Variants in ROR2 observed in about 807,000 individuals in gnomAD.
ROR2 encodes ROR family WNT receptor 2, also known as tyrosine-protein kinase transmembrane receptor ROR2.
A neutral mutation model predicts 74.9 loss-of-function variants in ROR2; 33 were observed. The observed-to-expected ratio is 0.44, with a 90% confidence interval of 0.33 to 0.59. The LOEUF is 0.59. Among genes scored for constraint, ROR2 ranks in the 20% least tolerant of loss-of-function variants. The probability of loss-of-function intolerance (pLI) is 0.02; values close to 1 mark genes in which losing one functional copy is unlikely to be tolerated. For synonymous variants in ROR2, 586 were observed against 558.7 expected (o/e 1.05, Z -0.69); for missense variants, 1,216 against 1,313.8 (o/e 0.93, Z 1.15).
intron 4 of ROR2, among the ~76,000 whole-genome samples, chr9:91,740,748 T>A (rs776284401): frequency 6.6e-6 from 1 of 152,030 alleles, no homozygotes; most frequent in African/African-American, 2.4e-5. Context: ...GGAACAGAGC[T>A]GGAGAGAGTC....
At chr9:91,731,193 A>C in intron 6 of ROR2, 38 bp from the exon 7 acceptor site, 1 of 1,613,284 alleles carries the variant, frequency 6.2e-7, no homozygotes, top group Non-Finnish European at 8.5e-7. Flanking sequence ...CCTCCGGGGT[A>C]CAACAAAACC....
intron 1 of ROR2, among the ~76,000 whole-genome samples, chr9:91,912,431 CCTTGA>C (rs1274192445): frequency 1.3e-5 from 2 of 152,150 alleles, no homozygotes; most frequent in Non-Finnish European, 2.9e-5. Flanking sequence ...ATTGCAATTA[CCTTGA>C]CTTGATCATC....
chr9:91,790,454 G>A (rs911485997), intron 1 of ROR2, among the ~76,000 whole-genome samples: 8 of 151,490 alleles, frequency 5.3e-5, no homozygotes, highest in Middle Eastern at 6.8e-3. Context: ...AGACTGCAGT[G>A]AGCCAAGATC....
chr9:91,939,864 C>T (rs989978145), intron 1 of ROR2, among the ~76,000 whole-genome samples: 3 of 152,266 alleles, frequency 2.0e-5, no homozygotes, highest in East Asian at 3.9e-4. Flanking sequence ...AACAAGAGCA[C>T]CCACCAAAAG....
chr9:91,894,358 T>C (rs1305350073), intron 1 of ROR2, among the ~76,000 whole-genome samples: 1 of 152,162 alleles, frequency 6.6e-6, no homozygotes, highest in Non-Finnish European at 1.5e-5. Context: ...GCTAACTGAT[T>C]AACACGGATT....
rs555147927 is a variant in ROR2 at position 91,792,458 on chromosome 9, G to A, written c.98-16640C>T. ...TGAGTAGCTGGGACTACAGGCGCCCGCCACCACGCCCAGCTAATTTTTTGT... is the reference window on the plus strand; with the variant it reads ...TGAGTAGCTGGGACTACAGGCGCCCACCACCACGCCCAGCTAATTTTTTGT... On this transcript the variant is annotated intron_variant, in intron 1 of 8. Coordinates refer to ENST00000375708, the MANE Select transcript of ROR2 (RefSeq NM_004560.4). Among the ~76,000 whole-genome samples, 314 of 152,142 alleles carry A rather than the reference G, an allele frequency of 2.1e-3. 1 individual carries two copies. The highest frequency in any genetic ancestry group is 3.6e-3 in the Non-Finnish European group (247 of 67,998).
chr9:91,912,722 A>G (rs1587842082), intron 1 of ROR2, among the ~76,000 whole-genome samples: 1 of 145,918 alleles, frequency 6.9e-6, no homozygotes, highest in African/African-American at 2.8e-5. Flanking sequence ...TATTCCTTAA[A>G]TAATTTTTAA....
intron 2 of ROR2, 133 bp downstream of exon 2, chr9:91,775,608 C>G: frequency 3.8e-6 from 3 of 799,772 alleles, no homozygotes; most frequent in South Asian, 2.9e-5. Context: ...TGGCATTCCA[C>G]CATACCCACC....
chr9:91,735,906 G>A (rs987795202), intron 5 of ROR2, among the ~76,000 whole-genome samples: 3 of 152,016 alleles, frequency 2.0e-5, no homozygotes, highest in South Asian at 2.1e-4. Context: ...GTGAGCCACC[G>A]TGCCCGGCCA....
intron 1 of ROR2, among the ~76,000 whole-genome samples, chr9:91,887,774 AAC>A (rs1830323595): frequency 6.8e-6 from 1 of 147,336 alleles, no homozygotes; most frequent in South Asian, 2.1e-4. Flanking sequence ...TTCTCTCCAT[AAC>A]ACTTTTTTTC....
intron 1 of ROR2, among the ~76,000 whole-genome samples, chr9:91,848,608 G>C (rs553049678): frequency 1.3e-5 from 2 of 152,224 alleles, no homozygotes; most frequent in Admixed American, 6.5e-5. Context: ...TACAAAATTA[G>C]CCAGGTGTGG....
intron 1 of ROR2, among the ~76,000 whole-genome samples, chr9:91,946,166 G>A (rs1377179896): frequency 6.6e-6 from 1 of 152,188 alleles, no homozygotes; most frequent in African/African-American, 2.4e-5. Flanking sequence ...TGCAGCTGGG[G>A]TGCAACCAAT....
At chr9:91,843,361 A>G (rs1445760788) in intron 1 of ROR2, among the ~76,000 whole-genome samples, 1 of 152,228 alleles carries the variant, frequency 6.6e-6, no homozygotes, top group African/African-American at 2.4e-5. Flanking sequence ...GGTCAGGTGC[A>G]TGACCAGGTT....
At chr9:91,892,722 T>G (rs1830452115) in intron 1 of ROR2, among the ~76,000 whole-genome samples, 1 of 151,660 alleles carries the variant, frequency 6.6e-6, no homozygotes, top group East Asian at 2.0e-4. Context: ...CCTGAGTAGC[T>G]GGGACTACAG....
intron 1 of ROR2, among the ~76,000 whole-genome samples, chr9:91,930,135 G>A (rs7046846): frequency 0.029 from 4,450 of 152,232 alleles, 102 homozygotes; most frequent in South Asian, 0.062. Flanking sequence ...GAAAAGCAGA[G>A]ATTCTCAACT....
At chr9:91,906,384 A>C (rs1339411837) in intron 1 of ROR2, among the ~76,000 whole-genome samples, 1 of 152,206 alleles carries the variant, frequency 6.6e-6, no homozygotes, top group Non-Finnish European at 1.5e-5. Flanking sequence ...GAGGAAAACG[A>C]AACCTTAAAG....
intron 2 of ROR2, among the ~76,000 whole-genome samples, chr9:91,762,681 T>C (rs1383000787): frequency 6.6e-6 from 1 of 152,250 alleles, no homozygotes; most frequent in African/African-American, 2.4e-5. Flanking sequence ...TGCATATTTA[T>C]ATTATTTTAT....
chr9:91,776,744 C>T (rs1157737779), intron 1 of ROR2, among the ~76,000 whole-genome samples: 1 of 152,226 alleles, frequency 6.6e-6, no homozygotes, highest in Non-Finnish European at 1.5e-5. Flanking sequence ...TACATCAGCA[C>T]ATTACACACA....
intron 4 of ROR2, among the ~76,000 whole-genome samples, chr9:91,744,411 T>TA (rs1266580199): frequency 6.6e-6 from 1 of 151,802 alleles, no homozygotes; most frequent in African/African-American, 2.4e-5. Flanking sequence ...TTAGTAGAGA[T>TA]AGAGTTTCAT....
Sources: allele counts gnomAD v4.1 joint callset (sites outside exome capture counted in the v4.1 genomes callset), GRCh38; gene constraint gnomAD v4.1.1; transcripts MANE v1.5; gene names NCBI Gene and HGNC (gene_info 2026-07-23, HGNC 2026-07-21).